EPS15L1: variants seen among roughly 807,000 people sequenced by gnomAD.
The protein encoded by EPS15L1 is epidermal growth factor receptor pathway substrate 15 like 1, also known as epidermal growth factor receptor substrate 15-like 1.
EPS15L1 carries 43 observed loss-of-function variants against 117.1 expected under a neutral mutation model. The observed-to-expected ratio is 0.37, with a 90% CI of 0.29 to 0.47. EPS15L1 has a LOEUF of 0.47. Ranked by LOEUF, EPS15L1 falls within the 20% of genes least tolerant of loss-of-function variation. The pLI, the probability that EPS15L1 is intolerant of heterozygous loss-of-function variation, is 0.99. For synonymous variants in EPS15L1, 459 were observed against 470.5 expected, an observed-to-expected ratio of 0.98 and a Z score of 0.32; for missense variants, 981 against 1,164.0, an observed-to-expected ratio of 0.84 and a Z score of 2.29.
intron 22 of EPS15L1, among the ~76,000 whole-genome samples, chr19:16,375,066 G>GTGCATGC (rs1347686852): frequency 1.3e-5 from 2 of 152,250 alleles, no homozygotes; most frequent in Non-Finnish European, 2.9e-5. Flanking sequence ...CAGTATGTGA[G>GTGCATGC]TGCATGCTGC....
chr19:16,456,387 T>TTAC (rs2093196513), intron 1 of EPS15L1, among the ~76,000 whole-genome samples: 1 of 150,784 alleles, frequency 6.6e-6, no homozygotes, highest in Non-Finnish European at 1.5e-5. Flanking sequence ...CCAGGCGTGG[T>TTAC]GGCTCACGCC....
Position 16,392,431 on chromosome 19 carries a change from C to T in EPS15L1, c.1976G>A (p.Gly659Glu), listed in dbSNP as rs772050964. Residue 659 changes from glycine (G) to glutamate (E), a missense_variant, in exon 19 of 24, where the codon GGA (glycine) becomes GAA (glutamate). Around this residue, in one of 5 missense-constraint regions of EPS15L1, gnomAD observed 819 missense variants for 949.0 expected, o/e 0.86. Coordinates refer to ENST00000455140, the MANE Select transcript of EPS15L1 (RefSeq NM_001258374.3). ...GTCACTTTCTTTGAAAGGGTCCCCT[C>T]CAAATGGATCTAGAAGGAAAAATGC... Reference protein sequence around the residue: ...EQQTTSTDPFGGDPFKESDPF... With the variant: ...EQQTTSTDPFEGDPFKESDPF... The T allele has an allele frequency of 1.8e-5, 29 of 1,614,010 alleles. No homozygotes were observed. Among genetic ancestry groups the T allele is most frequent in the Non-Finnish European group, 2.2e-5 (26 of 1,180,010 alleles).
At chr19:16,401,111 G>A (rs767243121) in intron 16 of EPS15L1, 39 of 985,296 alleles carry the variant, frequency 4.0e-5, no homozygotes, top group Non-Finnish European at 4.6e-5. Flanking sequence ...CGATAAAGCT[G>A]ATGATGACGG....
intron 19 of EPS15L1, among the ~76,000 whole-genome samples, chr19:16,387,872 A>G (rs572594512): frequency 6.6e-6 from 1 of 152,346 alleles, no homozygotes; most frequent in East Asian, 1.9e-4. Flanking sequence ...CTCAATCTGA[A>G]GAAAAAGGAG....
intron 1 of EPS15L1, among the ~76,000 whole-genome samples, chr19:16,447,665 C>T (rs1282630102): frequency 6.6e-6 from 1 of 151,518 alleles, no homozygotes; most frequent in Non-Finnish European, 1.5e-5. Context: ...GAGGCTGAGG[C>T]AGGAGAATCA....
intron 1 of EPS15L1, among the ~76,000 whole-genome samples, chr19:16,447,711 G>T (rs1404261059): frequency 6.6e-6 from 1 of 150,848 alleles, no homozygotes; most frequent in Non-Finnish European, 1.5e-5. Context: ...AGTGAGCCGA[G>T]ATCATACCAC....
In EPS15L1 at chr19:16,460,345, T is replaced by A. The variant is rs147985616; in HGVS notation, c.33+11568A>T. Among the ~76,000 whole-genome samples, 1,112 of 152,174 alleles carry A rather than the reference T, an allele frequency of 7.3e-3. 9 individuals are homozygous for A. Among genetic ancestry groups the A allele is most frequent in the African/African-American group, 0.026 (1,075 of 41,530 alleles). On this transcript the variant is annotated intron_variant, in intron 1 of 23. Coordinates refer to ENST00000455140, the MANE Select transcript of EPS15L1 (RefSeq NM_001258374.3). ...TCAGCTGTCATTTTCTTAAAAAAAA[T>A]ACAATTTTACACACAGCAGATAAGT... is the stretch of plus-strand genomic sequence containing the variant.
chr19:16,467,822 C>A (rs73928605), intron 1 of EPS15L1, among the ~76,000 whole-genome samples: 2 of 152,118 alleles, frequency 1.3e-5, no homozygotes, highest in Non-Finnish European at 2.9e-5. Flanking sequence ...CAGGGCTCTG[C>A]GGCAGGAGGA....
intron 13 of EPS15L1, among the ~76,000 whole-genome samples, chr19:16,406,296 G>A (rs1326344754): frequency 1.4e-5 from 2 of 145,160 alleles, no homozygotes; most frequent in African/African-American, 5.3e-5. Context: ...TGGATCTGGA[G>A]GGGACAATCA....
intron 23 of EPS15L1, among the ~76,000 whole-genome samples, chr19:16,359,610 C>A (rs1006342834): frequency 1.3e-5 from 2 of 152,134 alleles, no homozygotes; most frequent in African/African-American, 4.8e-5. Context: ...CCTGTAATCC[C>A]AACACTTTGG....
intron 6 of EPS15L1, chr19:16,436,719 G>T: frequency 2.2e-6 from 1 of 460,406 alleles, no homozygotes; most frequent in Non-Finnish European, 3.9e-6. Flanking sequence ...CCCAATTCCA[G>T]TGAAGGGCCA....
At chr19:16,433,414 G>A (rs2092948651) in intron 7 of EPS15L1, among the ~76,000 whole-genome samples, 1 of 152,148 alleles carries the variant, frequency 6.6e-6, no homozygotes, top group South Asian at 2.1e-4. Flanking sequence ...TTACGGGCGT[G>A]AGCCACCGCA....
chr19:16,440,728 C>T (rs1400642050), intron 4 of EPS15L1, 134 bp downstream of exon 4: 8 of 681,000 alleles, frequency 1.2e-5, no homozygotes, highest in South Asian at 2.1e-5. Context: ...GAAAACTTCC[C>T]GTGTTAAGTT....
intron 4 of EPS15L1, chr19:16,440,633 A>G (rs1486673745): frequency 9.6e-6 from 3 of 310,990 alleles, no homozygotes; most frequent in African/African-American, 6.5e-5. Context: ...AAAACATTAA[A>G]AGAAAAATAA....
chr19:16,453,462 C>T (rs1323643179), intron 1 of EPS15L1, among the ~76,000 whole-genome samples: 1 of 152,046 alleles, frequency 6.6e-6, no homozygotes, highest in African/African-American at 2.4e-5. Flanking sequence ...GCCTGTAATC[C>T]CAACACTTTG....
chr19:16,400,899 G>A, intron 16 of EPS15L1: 1 of 985,396 alleles, frequency 1.0e-6, no homozygotes, highest in Non-Finnish European at 1.2e-6. Context: ...CTGCAAAAGG[G>A]ACATTTAAGA....
chr19:16,466,819 C>T (rs1320746615), intron 1 of EPS15L1, among the ~76,000 whole-genome samples: 3 of 151,510 alleles, frequency 2.0e-5, no homozygotes, highest in African/African-American at 7.3e-5. Context: ...AGGAGAATCG[C>T]TTGAATCCAG....
chr19:16,362,483 A>C (rs1181673535), intron 22 of EPS15L1, among the ~76,000 whole-genome samples: 1 of 146,808 alleles, frequency 6.8e-6, no homozygotes, highest in Non-Finnish European at 1.5e-5. Context: ...GGGTCTGCAC[A>C]CAGCTCTGCC....
intron 21 of EPS15L1, among the ~76,000 whole-genome samples, chr19:16,378,243 C>T (rs2092320576): frequency 6.6e-6 from 1 of 152,028 alleles, no homozygotes; most frequent in African/African-American, 2.4e-5. Flanking sequence ...AAGCTCCAAG[C>T]TCTCATTAAG....
Sources: gnomAD v4.1 joint callset for allele counts (sites outside exome capture counted in the v4.1 genomes callset) on GRCh38, gnomAD v4.1.1 for gene constraint, gnomAD v4.1.1 regional missense constraint, MANE v1.5 for transcripts, NCBI Gene and HGNC (gene_info 2026-07-23, HGNC 2026-07-21) for gene names.